Variants in ARAP3 observed in about 807,000 individuals in gnomAD.
The protein encoded by ARAP3 is ArfGAP with RhoGAP domain, ankyrin repeat and PH domain 3, also known as arf-GAP with Rho-GAP domain, ANK repeat and PH domain-containing protein 3.
A neutral mutation model predicts 169.2 loss-of-function variants in ARAP3; 82 were observed. That is an observed-to-expected ratio of 0.48 (90% confidence interval 0.41 to 0.58). The LOEUF (loss-of-function observed/expected upper bound fraction) is 0.58. Among genes scored for constraint, ARAP3 ranks in the 20% least tolerant of loss-of-function variants. The pLI, the probability that ARAP3 is intolerant of heterozygous loss-of-function variation, is 0.00. For missense variants in ARAP3, 1,764 were observed against 2,018.0 expected (o/e 0.87, Z 2.41); for synonymous variants, 791 against 800.3 (o/e 0.99, Z 0.20).
In ARAP3 at chr5:141,655,937, G is replaced by A. The variant is rs751530832; in HGVS notation, c.3909-5C>T. On this transcript the variant is annotated splice_polypyrimidine_tract_variant and splice_region_variant and intron_variant, in intron 29 of 32. Coordinates refer to ENST00000239440, the MANE Select transcript of ARAP3 (RefSeq NM_022481.6). The stretch of plus-strand genomic sequence containing the variant: ...TCGTCAGTGCAGGACAAGTAGCTGG[G>A]GTGATCAGAATGGAATCAGAGGGAG... The A allele has an allele frequency of 3.7e-6, 6 of 1,613,904 alleles. No individual in the cohort carries two copies. The Admixed American group carries it at 1.0e-4, about 27-fold the overall frequency.
Position 141,657,482 on chromosome 5 carries a change from G to A in ARAP3, c.3527-636C>T, listed in dbSNP as rs115237180. Among the ~76,000 whole-genome samples the A allele has an allele frequency of 1.5e-3, 224 of 152,354 alleles. 2 individuals are homozygous for A. Among genetic ancestry groups the A allele is most frequent in the African/African-American group, 5.0e-3 (207 of 41,572 alleles). ...AGGGTTTTAACCATAGGAAGGATAT[G>A]AGCTGATTTATGCTTGAAATATTCA... On this transcript the variant is annotated intron_variant, in intron 25 of 32. Coordinates refer to ENST00000239440, the MANE Select transcript of ARAP3 (RefSeq NM_022481.6).
chr5:141,680,357 A>C lies in ARAP3; in HGVS notation c.130T>G (p.Leu44Val), dbSNP rs1347365956. The change falls in exon 2 of 33, where the codon TTG (leucine) becomes GTG (valine). Residue 44 changes from leucine to valine, a missense_variant. By Grantham distance (32) the Leu-to-Val change is conservative (BLOSUM62 1). This residue lies in a region of ARAP3 where 630 missense variants were observed against 678.7 expected (regional missense o/e 0.93). Coordinates refer to ENST00000239440, the MANE Select transcript of ARAP3 (RefSeq NM_022481.6). ...GAARGLGHEE[L>V]KQLGISATGH... ...GTGGCGCTGATGCCCAACTGCTTCAACTCCTCGTGGCCCAGGCCCCGGGCT... is the reference window on the plus strand; with the variant it reads ...GTGGCGCTGATGCCCAACTGCTTCACCTCCTCGTGGCCCAGGCCCCGGGCT... The C allele has an allele frequency of 6.2e-7, 1 of 1,613,996 alleles. No homozygotes were observed. Among genetic ancestry groups the C allele is most frequent in the Non-Finnish European group, 8.5e-7 (1 of 1,179,982 alleles).
intron 23 of ARAP3, 77 bp from the exon 24 acceptor site, chr5:141,658,730 T>C (rs1347536947): frequency 1.6e-5 from 21 of 1,315,708 alleles, no homozygotes; most frequent in Middle Eastern, 4.8e-4. Flanking sequence ...TTCCTCGTGT[T>C]GCCTCATAAG....
rs1286184678 is a variant in ARAP3 at position 141,669,617 on chromosome 5, A to C, written c.2352+92T>G. On this transcript the variant is annotated intron_variant, in intron 16 of 32. Coordinates refer to ENST00000239440, the MANE Select transcript of ARAP3 (RefSeq NM_022481.6). Reference sequence around the variant, plus strand: ...TCAGTCACCCTTAGCTGTTAGTGGAAGAAGTGGCTGTAGGAATAAGAGAGG... The same window carrying C: ...TCAGTCACCCTTAGCTGTTAGTGGACGAAGTGGCTGTAGGAATAAGAGAGG... The C allele has an allele frequency of 4.1e-6, 5 of 1,234,234 alleles. No individual in the cohort carries two copies. In the African/African-American group the frequency reaches 7.4e-5, roughly 18 times the overall value. 76.5% of individuals were successfully genotyped at this position (1,234,234 alleles called of 1,614,324 possible).
At chr5:141,678,488 G>A (rs952212565) in intron 4 of ARAP3, among the ~76,000 whole-genome samples, 3 of 151,650 alleles carry the variant, frequency 2.0e-5, no homozygotes, top group Non-Finnish European at 4.4e-5. Flanking sequence ...TCTTCTTAAC[G>A]CTCCGCTAAC....
At chr5:141,662,562 T>C (rs547592025) in intron 19 of ARAP3, among the ~76,000 whole-genome samples, 3 of 152,322 alleles carry the variant, frequency 2.0e-5, no homozygotes, top group East Asian at 3.9e-4. Context: ...GTGGATTCCA[T>C]ATCTGCACAT....
intron 19 of ARAP3, among the ~76,000 whole-genome samples, chr5:141,663,509 GA>G (rs2099910242): frequency 6.6e-6 from 1 of 152,172 alleles, no homozygotes; most frequent in Non-Finnish European, 1.5e-5. Flanking sequence ...GGCTGGTCTT[GA>G]ACTCCTGACC....
At chr5:141,656,305 G>C (rs1055378232) in intron 27 of ARAP3, 29 bp from the exon 28 acceptor site, 1 of 1,612,700 alleles carries the variant, frequency 6.2e-7, no homozygotes, top group Admixed American at 1.7e-5. Flanking sequence ...TCAGCGAGAT[G>C]GAGAGATGAG....
Position 141,654,422 on chromosome 5 carries a change from G to A in ARAP3, c.4163C>T (p.Ser1388Phe). Residue 1388 changes from serine (S) to phenylalanine (F), a missense_variant, in exon 33 of 33, where the codon TCC (serine) becomes TTC (phenylalanine). Physicochemically the swap from Ser to Phe is radical, Grantham distance 155 (BLOSUM62 -2). Around this residue, in one of 3 missense-constraint regions of ARAP3, gnomAD observed 1,112 missense variants for 1,285.7 expected, o/e 0.86. Transcript: ENST00000239440. ...TLSMFFPMKS[S>F]QGSVEEQEEL... is the part of the protein sequence containing the mutation. ...CTCTTGCTCCTCCACAGACCCCTGGGATGACTTCATTGGCTGGATGGGAAT... is the reference window on the plus strand; with the variant it reads ...CTCTTGCTCCTCCACAGACCCCTGGAATGACTTCATTGGCTGGATGGGAAT... 6.3e-7 allele frequency: 1 copy of A among 1,585,330 alleles called. No homozygotes were observed.
chr5:141,654,275 T>A lies in ARAP3; in HGVS notation c.4310A>T (p.Asn1437Ile). The change falls in exon 33 of 33, where the codon AAC becomes ATC. Residue 1437 changes from asparagine (N) to isoleucine (I), a missense_variant. Physicochemically the swap from Asn to Ile is moderately radical, Grantham distance 149. This residue lies in a region of ARAP3 where 1,112 missense variants were observed against 1,285.7 expected (regional missense o/e 0.86). Transcript: ENST00000239440. ...CAATGACTTCTGGCTGGTGAGGGGG[T>A]TCTCTGGCTTCACTGTCCACTCCCG... is the stretch of plus-strand genomic sequence containing the variant. Reference protein sequence around the residue: ...TTREWTVKPENPLTSQKSLDQ... With the variant: ...TTREWTVKPEIPLTSQKSLDQ... 6.2e-7 allele frequency: 1 copy of A among 1,613,716 alleles called. No homozygotes were observed. The highest frequency in any genetic ancestry group is 8.5e-7 in the Non-Finnish European group (1 of 1,179,926).
intron 29 of ARAP3, 61 bp downstream of exon 29, chr5:141,656,003 G>A (rs996351579): frequency 1.2e-6 from 2 of 1,613,834 alleles, no homozygotes; most frequent in Non-Finnish European, 1.7e-6. Context: ...TACAAAGAGG[G>A]AAGAGAAAAG....
chr5:141,666,962 G>A (rs1454355937), intron 16 of ARAP3, among the ~76,000 whole-genome samples: 1 of 152,146 alleles, frequency 6.6e-6, no homozygotes, highest in Non-Finnish European at 1.5e-5. Flanking sequence ...TCATTCTTGT[G>A]CAGTGCCGTG....
At chr5:141,665,141 G>C in intron 18 of ARAP3, 56 bp from the exon 19 acceptor site, 1 of 1,575,010 alleles carries the variant, frequency 6.3e-7, no homozygotes, top group South Asian at 1.2e-5. Context: ...GATGCATGGG[G>C]ACCAGACTTC....
chr5:141,666,459 T>G lies in ARAP3; in HGVS notation c.2537A>C (p.Glu846Ala). Residue 846 changes from glutamate to alanine, a missense_variant, in exon 17 of 33, where the codon GAG becomes GCG. Physicochemically the swap from Glu to Ala is moderately radical, Grantham distance 107. This residue lies in a region of ARAP3 where 1,112 missense variants were observed against 1,285.7 expected (regional missense o/e 0.86). Transcript: ENST00000239440. The part of the protein sequence containing the change: ...SAPGPGPPAP[E>A]DMVHLRRLQE... ...TAGCCGCCGCAGATGCACCATGTCC[T>G]CAGGGGCTGGGGGGCCTGGGCCCGG... 1.3e-6 allele frequency: 2 copies of G among 1,595,450 alleles called. No individual in the cohort carries two copies. The highest frequency in any genetic ancestry group is 1.7e-6 in the Non-Finnish European group (2 of 1,170,752).
intron 23 of ARAP3, 114 bp downstream of exon 23, chr5:141,659,294 G>A: frequency 1.0e-6 from 1 of 962,960 alleles, no homozygotes; most frequent in East Asian, 2.4e-5. Context: ...AAAGAGCTGA[G>A]TGCTAGTGTC....
chr5:141,659,388 C>T lies in ARAP3; in HGVS notation c.3336+20G>A, dbSNP rs2099909648. The T allele has an allele frequency of 6.2e-7, 1 of 1,611,666 alleles. No homozygotes were observed. Among genetic ancestry groups the T allele is most frequent in the Non-Finnish European group, 8.5e-7 (1 of 1,177,894 alleles). ...GTCTCCTCCTGCCCCATTCAGGAGA[C>T]TAAGGTCAGGACGAGTTACCTGCAC... On this transcript the variant is annotated intron_variant, in intron 23 of 32. Coordinates refer to ENST00000239440, the MANE Select transcript of ARAP3 (RefSeq NM_022481.6).
Position 141,664,995 on chromosome 5 carries a change from C to A in ARAP3, c.2727G>T (p.Leu909=). ...CACCCCGGCTCATCTGCTGCTCCTG[C>A]AGCCCTGTGCCGCCCCCACCAGCCG... ...GGAAGGGGTG[L]QEQQMSRGDI... is the part of the protein sequence containing the mutation. Residue 909 remains leucine, a synonymous_variant, in exon 19 of 33, where the codon CTG becomes CTT. Transcript: ENST00000239440. The A allele has an allele frequency of 6.2e-7, 1 of 1,613,880 alleles. No homozygotes were observed. The highest frequency in any genetic ancestry group is 8.5e-7 in the Non-Finnish European group (1 of 1,179,954).
rs752500594 is a variant in ARAP3 at position 141,671,904 on chromosome 5, C to T, written c.1662G>A (p.Glu554=). 4.3e-6 allele frequency: 7 copies of T among 1,614,182 alleles called. No homozygotes were observed. The highest frequency in any genetic ancestry group is 1.3e-5 in the African/African-American group (1 of 75,046). Reference sequence around the variant, plus strand: ...CTCTTCGCCCGCTCACCTGTACTATCTCATTACTCCAGACACTCGTGTCCA... The same window carrying T: ...CTCTTCGCCCGCTCACCTGTACTATTTCATTACTCCAGACACTCGTGTCCA... ...LKLDTSVWSN[E]IVQLFIVLGN... Residue 554 remains glutamate, a synonymous_variant, in exon 11 of 33, where the codon GAG becomes GAA. Transcript: ENST00000239440. This position sits in a 1 kb window ranked among gnomAD's most constrained non-coding sequence, Gnocchi z 4.9.
chr5:141,655,727 C>T lies in ARAP3; in HGVS notation c.4004G>A (p.Arg1335His), dbSNP rs750355617. ...HDDQQPVVLRRHSSSDLARQK... is the reference protein window; with the variant it reads ...HDDQQPVVLRHHSSSDLARQK... ...ACGGGCAAGGTCAGAGGAGGAATGGCGTCGTAAGACCACTGGCTGCTGGTC... is the reference window on the plus strand; with the variant it reads ...ACGGGCAAGGTCAGAGGAGGAATGGTGTCGTAAGACCACTGGCTGCTGGTC... The change falls in exon 31 of 33, where the codon CGC becomes CAC. Residue 1335 changes from arginine to histidine, a missense_variant. Physicochemically the swap from Arg to His is conservative, Grantham distance 29. Coordinates refer to ENST00000239440, the MANE Select transcript of ARAP3 (RefSeq NM_022481.6). 20 of 1,614,036 alleles carry T rather than the reference C, an allele frequency of 1.2e-5. No homozygotes were observed. The highest frequency in any genetic ancestry group is 1.6e-5 in the Non-Finnish European group (19 of 1,180,044).
Sources: gnomAD v4.1 joint callset for allele counts (sites outside exome capture counted in the v4.1 genomes callset) on GRCh38, gnomAD v4.1.1 for gene constraint, gnomAD v4.1.1 regional missense constraint, Gnocchi (gnomAD v3.1) non-coding constraint, MANE v1.5 for transcripts, NCBI Gene and HGNC (gene_info 2026-07-23, HGNC 2026-07-21) for gene names.